NBAS: variants seen among roughly 807,000 people sequenced by gnomAD.
NBAS encodes the protein NBAS subunit of NRZ tethering complex, also known as NAG/BC035112 fusion.
In NBAS, 219 loss-of-function variants were observed where a neutral mutation model predicts 302.5. The observed-to-expected ratio is 0.72, with a 90% CI of 0.65 to 0.81. The LOEUF (loss-of-function observed/expected upper bound fraction) is 0.81. Among genes scored for constraint, NBAS ranks in the 30% least tolerant of loss-of-function variants. NBAS has a pLI of 0.00. For synonymous variants in NBAS, 1,118 were observed against 1,021.6 expected (o/e 1.09, Z -1.80); for missense variants, 2,932 against 2,841.6 (o/e 1.03, Z -0.72).
At chr2:15,109,744 A>T in the NBAS span, among the ~76,000 whole-genome samples, 1 of 152,024 alleles carries the variant, frequency 6.6e-6, no homozygotes, top group Non-Finnish European at 1.5e-5. Flanking sequence ...CATTCATGAG[A>T]GCTGCACCCT....
chr2:15,200,809 T>C (rs1005416765), intron 48 of NBAS, among the ~76,000 whole-genome samples: 1 of 152,222 alleles, frequency 6.6e-6, no homozygotes, highest in African/African-American at 2.4e-5. Context: ...AGTCACCTAT[T>C]ATCAGTAGAA....
intron 22 of NBAS, among the ~76,000 whole-genome samples, chr2:15,426,951 C>T (rs919794105): frequency 6.6e-6 from 1 of 152,106 alleles, no homozygotes; most frequent in South Asian, 2.1e-4. Flanking sequence ...CTCTAAACTT[C>T]TACTTGGGGA....
intron 44 of NBAS, among the ~76,000 whole-genome samples, chr2:15,274,006 G>A (rs1268124933): frequency 6.6e-6 from 1 of 152,032 alleles, no homozygotes; most frequent in Non-Finnish European, 1.5e-5. Context: ...CATGAACCCA[G>A]GAGGCAGAGC....
At chr2:15,539,843 A>AAT (rs148423069) in intron 6 of NBAS, among the ~76,000 whole-genome samples, 3,280 of 149,776 alleles carry the variant, frequency 0.022, 115 homozygotes, top group African/African-American at 0.075. Context: ...AAAGGGGGGA[A>AAT]ATATATATAT....
Position 15,353,603 on chromosome 2 carries a change from G to A in NBAS, c.4039C>T (p.Pro1347Ser). 6.2e-7 allele frequency: 1 copy of A among 1,614,070 alleles called. No individual in the cohort carries two copies. Among genetic ancestry groups the A allele is most frequent in the Non-Finnish European group, 8.5e-7 (1 of 1,179,966 alleles). Residue 1347 changes from proline (P) to serine (S), a missense_variant, in exon 34 of 52, where the codon CCT becomes TCT. Transcript: ENST00000281513. ...LMAFALTHCPPSSIELLLAAS... is the reference protein window; with the variant it reads ...LMAFALTHCPSSSIELLLAAS... ...GCCAAAAGAAGTTCAATGCTGCTAGGAGGGCAATGTGTCAAAGCAAAAGCC... is the reference window on the plus strand; with the variant it reads ...GCCAAAAGAAGTTCAATGCTGCTAGAAGGGCAATGTGTCAAAGCAAAAGCC...
the NBAS span, among the ~76,000 whole-genome samples, chr2:15,144,779 C>A: frequency 6.6e-6 from 1 of 152,280 alleles, no homozygotes; most frequent in South Asian, 2.1e-4. Flanking sequence ...CCATATGTTA[C>A]GATACAGGTG....
the NBAS span, among the ~76,000 whole-genome samples, chr2:14,866,038 C>T: frequency 6.6e-6 from 1 of 152,056 alleles, no homozygotes; most frequent in African/African-American, 2.4e-5. Context: ...TACAGTCTCT[C>T]GGGCCACTAC....
chr2:15,139,307 G>A, the NBAS span, among the ~76,000 whole-genome samples: 1 of 152,208 alleles, frequency 6.6e-6, no homozygotes, highest in Middle Eastern at 3.4e-3. Flanking sequence ...AGAAATCATG[G>A]GGAATAGAAA....
At chr2:14,901,513 G>T in the NBAS span, among the ~76,000 whole-genome samples, 1 of 151,816 alleles carries the variant, frequency 6.6e-6, no homozygotes, top group Non-Finnish European at 1.5e-5. Context: ...CACTTTAAGG[G>T]ATAAAAAGAT....
chr2:14,863,996 A>T, the NBAS span, among the ~76,000 whole-genome samples: 1 of 152,150 alleles, frequency 6.6e-6, no homozygotes, highest in Non-Finnish European at 1.5e-5. Context: ...CTCCAACAGG[A>T]TGACTTAACT....
chr2:15,327,991 C>T lies in NBAS; in HGVS notation c.4462-121G>A, dbSNP rs1672153102. The stretch of plus-strand genomic sequence containing the variant: ...GACTTGAATAATAACTGCTCACAAA[C>T]TAAAGCATGTTATTTTATGAAACAT... On this transcript the variant is annotated intron_variant, in intron 37 of 51. Coordinates refer to ENST00000281513, the MANE Select transcript of NBAS (RefSeq NM_015909.4). 5 of 1,379,584 alleles carry T rather than the reference C, an allele frequency of 3.6e-6. No individual in the cohort carries two copies. The Admixed American group carries it at 8.7e-5, about 24-fold the overall frequency. 85.5% of individuals were successfully genotyped at this position (1,379,584 alleles called of 1,614,324 possible). A position where few individuals can be genotyped will look rare whatever the true frequency, so the allele number is the denominator to read the frequency against.
At chr2:15,190,487 A>G in intron 48 of NBAS, 84 bp from the exon 49 acceptor site, 1 of 1,495,204 alleles carries the variant, frequency 6.7e-7, no homozygotes, top group Non-Finnish European at 9.1e-7. Context: ...TTTTAATTAA[A>G]CTTTTTTTTA....
At chr2:14,925,185 G>T in the NBAS span, among the ~76,000 whole-genome samples, 1 of 152,162 alleles carries the variant, frequency 6.6e-6, no homozygotes, top group African/African-American at 2.4e-5. Context: ...CACTTGCTAA[G>T]TTTATTATAA....
intron 35 of NBAS, among the ~76,000 whole-genome samples, chr2:15,351,504 C>T (rs911910705): frequency 4.6e-5 from 7 of 152,026 alleles, no homozygotes; most frequent in Middle Eastern, 3.4e-3. Context: ...TGGTGAGACC[C>T]CATCTCAACC....
At chr2:15,285,363 C>T (rs1385191509) in intron 42 of NBAS, among the ~76,000 whole-genome samples, 1 of 152,128 alleles carries the variant, frequency 6.6e-6, no homozygotes, top group Non-Finnish European at 1.5e-5. Flanking sequence ...TCCTGTTTCC[C>T]CTCTTACCTA....
At chr2:15,221,081 AT>A (rs1170348135) in intron 47 of NBAS, among the ~76,000 whole-genome samples, 17 of 152,340 alleles carry the variant, frequency 1.1e-4, no homozygotes, top group African/African-American at 3.6e-4. Context: ...ATTCCTAAAT[AT>A]TTATCAGAAA....
intron 25 of NBAS, among the ~76,000 whole-genome samples, chr2:15,414,535 T>G (rs1676827213): frequency 6.6e-6 from 1 of 152,210 alleles, no homozygotes; most frequent in African/African-American, 2.4e-5. Flanking sequence ...CAAAGTACCC[T>G]ACACTTAACA....
At chr2:15,428,678 G>T (rs1475072302) in intron 21 of NBAS, among the ~76,000 whole-genome samples, 1 of 152,140 alleles carries the variant, frequency 6.6e-6, no homozygotes, top group Admixed American at 6.6e-5. Context: ...AAAAGGTTGA[G>T]ACTGCAGTAA....
intron 31 of NBAS, among the ~76,000 whole-genome samples, chr2:15,374,033 C>G (rs1309111579): frequency 2.0e-5 from 3 of 152,136 alleles, no homozygotes; most frequent in African/African-American, 7.2e-5. Flanking sequence ...ACAAGTGATT[C>G]TGTAGCAGGA....
Sources: allele counts gnomAD v4.1 joint callset (sites outside exome capture counted in the v4.1 genomes callset), GRCh38; gene constraint gnomAD v4.1.1; transcripts MANE v1.5; gene names NCBI Gene and HGNC (gene_info 2026-07-23, HGNC 2026-07-21).